The following PXDN variants were observed in gnomAD, a reference collection of about 807,000 sequenced individuals.
The protein encoded by PXDN is peroxidasin.
A neutral mutation model predicts 140.3 loss-of-function variants in PXDN; 77 were observed. The ratio of observed to expected loss-of-function variants is 0.55; its 90% confidence interval spans 0.46 to 0.66. PXDN has a LOEUF of 0.66. PXDN is among the 30% of genes least tolerant of loss of function. PXDN has a pLI of 0.00. For synonymous variants in PXDN, 911 were observed against 857.4 expected, an observed-to-expected ratio of 1.06 and a Z score of -1.09; for missense variants, 1,838 against 2,039.5, an observed-to-expected ratio of 0.90 and a Z score of 1.90.
At position 1,649,674 on chromosome 2, in the gene PXDN, A is replaced by G; in HGVS notation, c.2106T>C (p.Ser702=). Residue 702 remains serine (S), a splice_region_variant and synonymous_variant, in exon 17 of 23, where the codon AGT becomes AGC. Coordinates refer to ENST00000252804, the MANE Select transcript of PXDN (RefSeq NM_012293.3). This position sits in a 1 kb window ranked among gnomAD's most constrained non-coding sequence, Gnocchi z 7.1. ...GAGACACCAGGTCGTTGTAGTGGTA[A>G]CCTGGGACGTGGAGAAAAGCAAGAC... ...HGLMVDLNGT[S]YHYNDLVSPQ... 9 of 1,613,680 alleles carry G rather than the reference A, an allele frequency of 5.6e-6. No homozygotes were observed. The highest frequency in any genetic ancestry group is 6.8e-6 in the Non-Finnish European group (8 of 1,179,834).
intron 9 of PXDN, among the ~76,000 whole-genome samples, chr2:1,670,245 G>T (rs1272440583): frequency 6.6e-6 from 1 of 152,138 alleles, no homozygotes; most frequent in Non-Finnish European, 1.5e-5. Context: ...CTCCAAAAGA[G>T]AACTTGTTAA....
At chr2:1,683,544 A>T in intron 6 of PXDN, 112 bp downstream of exon 6, 1 of 421,872 alleles carries the variant, frequency 2.4e-6, no homozygotes, top group Non-Finnish European at 3.6e-6. Flanking sequence ...TCATTCTTTC[A>T]GAATCAGATT....
In PXDN at chr2:1,648,899, G is replaced by A; in HGVS notation, c.2881C>T (p.Arg961Trp). 6.2e-7 allele frequency: 1 copy of A among 1,601,208 alleles called. No individual in the cohort carries two copies. Among genetic ancestry groups the A allele is most frequent in the South Asian group, 1.1e-5 (1 of 90,304 alleles). The change falls in exon 17 of 23, where the codon CGG (arginine) becomes TGG (tryptophan). Residue 961 changes from arginine (R) to tryptophan (W), a missense_variant. Arg to Trp is a moderately radical substitution (Grantham distance 101). Transcript: ENST00000252804. This position sits in a 1 kb window ranked among gnomAD's most constrained non-coding sequence, Gnocchi z 8.9. ...GGGATGGGGCTCTCGTTCTCGTCCC[G>A]CATGCACTCCGTGGGCGGCCCGGTG... is the stretch of plus-strand genomic sequence containing the variant. ...FATGPPTECM[R>W]DENESPIPCF... is the part of the protein sequence containing the mutation.
intron 4 of PXDN, among the ~76,000 whole-genome samples, chr2:1,686,539 C>T (rs756405555): frequency 1.3e-5 from 2 of 152,132 alleles, no homozygotes; most frequent in African/African-American, 4.8e-5. Flanking sequence ...AAGATTTGCT[C>T]GCCCCCACTG....
intron 1 of PXDN, among the ~76,000 whole-genome samples, chr2:1,732,583 C>T (rs533670465): frequency 3.9e-4 from 59 of 152,324 alleles, no homozygotes; most frequent in African/African-American, 1.3e-3. Flanking sequence ...TAGTAAAGCA[C>T]TGCTCCAATC....
At chr2:1,656,404 A>G (rs1374189037) in intron 14 of PXDN, among the ~76,000 whole-genome samples, 1 of 152,160 alleles carries the variant, frequency 6.6e-6, no homozygotes, top group Admixed American at 6.6e-5. Flanking sequence ...AACATACGCA[A>G]TCTTTTGACA....
Position 1,654,072 on chromosome 2 carries a change from G to A in PXDN, c.1947-287C>T, listed in dbSNP as rs1000035. The A allele has an allele frequency of 0.021, 10,161 of 488,534 alleles. 725 individuals carry two copies. Among genetic ancestry groups the A allele is most frequent in the African/African-American group, 0.17 (8,619 of 51,696 alleles). The allele number at this position is 488,534 out of a possible 1,614,324, so 30.3% of individuals were successfully genotyped here. Reference sequence around the variant, plus strand: ...GAAAAACTGCTTTGGAATCAGCAACGTGAACAAATACACTAATGACTTTTA... The same window carrying A: ...GAAAAACTGCTTTGGAATCAGCAACATGAACAAATACACTAATGACTTTTA... On this transcript the variant is annotated intron_variant, in intron 15 of 22. Coordinates refer to ENST00000252804, the MANE Select transcript of PXDN (RefSeq NM_012293.3).
chr2:1,713,362 A>ATC (rs564154826), intron 1 of PXDN, among the ~76,000 whole-genome samples: 1 of 152,204 alleles, frequency 6.6e-6, no homozygotes, highest in Non-Finnish European at 1.5e-5. Context: ...CCGGGCTTCC[A>ATC]TCCCTGCGAA....
At chr2:1,679,569 GGT>G (rs1256818237) in intron 7 of PXDN, among the ~76,000 whole-genome samples, 6 of 129,168 alleles carry the variant, frequency 4.6e-5, no homozygotes, top group East Asian at 2.5e-4. Context: ...GTGTGTAAAT[GGT>G]GTGTGTGGAT....
Position 1,639,881 on chromosome 2 carries a change from A to C in PXDN, c.3953-459T>G, listed in dbSNP as rs1682674438. On this transcript the variant is annotated intron_variant, in intron 19 of 22. Coordinates refer to ENST00000252804, the MANE Select transcript of PXDN (RefSeq NM_012293.3). This position sits in a 1 kb window ranked among gnomAD's most constrained non-coding sequence, Gnocchi z 5.0. ...ACTGCCAGCCCCAGTGTCAGACAAG[A>C]GGCGGCCTGACCCTGCTTCTCCTGA... Among the ~76,000 whole-genome samples the C allele has an allele frequency of 6.6e-6, 1 of 152,178 alleles. No homozygotes were observed. The highest frequency in any genetic ancestry group is 2.1e-4 in the South Asian group (1 of 4,834).
At chr2:1,742,584 T>C (rs1192709869) in intron 1 of PXDN, among the ~76,000 whole-genome samples, 1 of 152,182 alleles carries the variant, frequency 6.6e-6, no homozygotes, top group Non-Finnish European at 1.5e-5. Flanking sequence ...GGGCAAAACA[T>C]ACCGCAAGCT....
At chr2:1,736,158 T>C (rs570052507) in intron 1 of PXDN, among the ~76,000 whole-genome samples, 1 of 152,184 alleles carries the variant, frequency 6.6e-6, no homozygotes, top group Non-Finnish European at 1.5e-5. Flanking sequence ...TGTGGCTGGT[T>C]TGCTCTTCTT....
intron 1 of PXDN, among the ~76,000 whole-genome samples, chr2:1,708,427 C>T (rs1684672409): frequency 6.6e-6 from 1 of 152,206 alleles, no homozygotes; most frequent in African/African-American, 2.4e-5. Flanking sequence ...CCCACCCAAA[C>T]ACCAAGAACC....
chr2:1,743,201 T>A (rs540797537), intron 1 of PXDN, among the ~76,000 whole-genome samples: 10 of 152,222 alleles, frequency 6.6e-5, no homozygotes, highest in African/African-American at 2.2e-4. Flanking sequence ...GGATTCCTGC[T>A]GTGGAGACCG....
Position 1,638,964 on chromosome 2 carries a change from C to T in PXDN, c.4088G>A (p.Gly1363Glu), listed in dbSNP as rs61747868. 2,656 of 1,613,980 alleles carry T rather than the reference C, an allele frequency of 1.6e-3. 29 individuals are homozygous for T. The African/African-American group carries it at 0.026, about 16-fold the overall frequency. ...TGAGGTGCTGTTGCTGAGATGTTCC[C>T]CCTGTCTCCCAACACTGTGGTGAGG... ...PRKIPSVGRQGEHLSNSTSAF... is the reference protein window; with the variant it reads ...PRKIPSVGRQEEHLSNSTSAF... Residue 1363 changes from glycine (G) to glutamate (E), a missense_variant, in exon 21 of 23, where the codon GGG becomes GAG. Physicochemically the swap from Gly to Glu is moderately conservative, Grantham distance 98. This residue lies in a region of PXDN where 850 missense variants were observed against 894.1 expected (regional missense o/e 0.95). Coordinates refer to ENST00000252804, the MANE Select transcript of PXDN (RefSeq NM_012293.3).
chr2:1,654,095 T>C, intron 15 of PXDN: 1 of 481,614 alleles, frequency 2.1e-6, no homozygotes, highest in African/African-American at 1.9e-5. Flanking sequence ...CTAATGACTT[T>C]TAAACTATTT....
In PXDN at chr2:1,660,959, C is replaced by T. The variant is rs1457326031; in HGVS notation, c.1759G>A (p.Ala587Thr). ...ACACACTCATAGCGACCTGCGTCTG[C>T]AGGGCCAACGTCATTGATGGTCAAG... ...GFLTINDVGP[A>T]DAGRYECVAR... Residue 587 changes from alanine to threonine, a missense_variant, in exon 14 of 23, where the codon GCA (alanine) becomes ACA (threonine). Ala to Thr is a moderately conservative substitution (Grantham distance 58, BLOSUM62 0). Around this residue, in one of 5 missense-constraint regions of PXDN, gnomAD observed 537 missense variants for 583.9 expected, o/e 0.92. Coordinates refer to ENST00000252804, the MANE Select transcript of PXDN (RefSeq NM_012293.3). The surrounding 1 kb of genome is among the most constrained non-coding windows in gnomAD (Gnocchi z 4.6). 3.1e-6 allele frequency: 5 copies of T among 1,613,906 alleles called. No individual in the cohort carries two copies. Among genetic ancestry groups the T allele is most frequent in the South Asian group, 2.2e-5 (2 of 91,086 alleles).
At chr2:1,724,337 G>C (rs1685126675) in intron 1 of PXDN, among the ~76,000 whole-genome samples, 1 of 127,404 alleles carries the variant, frequency 7.8e-6, no homozygotes, top group Admixed American at 9.1e-5. Flanking sequence ...TGGTCAGAAA[G>C]CAATATTTAA....
At chr2:1,695,128 G>C (rs1039881181) in intron 1 of PXDN, among the ~76,000 whole-genome samples, 1 of 152,238 alleles carries the variant, frequency 6.6e-6, no homozygotes, top group African/African-American at 2.4e-5. Context: ...AGGAGGCAGC[G>C]GCAACAGCGT....
Sources: gnomAD v4.1 joint callset for allele counts (sites outside exome capture counted in the v4.1 genomes callset) on GRCh38, gnomAD v4.1.1 for gene constraint, gnomAD v4.1.1 regional missense constraint, Gnocchi (gnomAD v3.1) non-coding constraint, MANE v1.5 for transcripts, NCBI Gene and HGNC (gene_info 2026-07-23, HGNC 2026-07-21) for gene names.